Variants in SFMBT1 observed in about 807,000 individuals in gnomAD.
SFMBT1 encodes the protein Scm like with four mbt domains 1.
Under a neutral mutation model 108.7 loss-of-function variants are expected in SFMBT1, and 32 were observed. That is an observed-to-expected ratio of 0.29 (90% CI 0.22 to 0.40). SFMBT1 has a LOEUF of 0.40. Ranked by LOEUF, SFMBT1 falls within the 10% of genes least tolerant of loss-of-function variation. SFMBT1 has a pLI of 1.00. For synonymous variants in SFMBT1, 348 were observed against 369.5 expected, an observed-to-expected ratio of 0.94 and a Z score of 0.67; for missense variants, 816 against 1,059.6, an observed-to-expected ratio of 0.77 and a Z score of 3.19.
chr3:52,955,833 C>T (rs973200766), intron 2 of SFMBT1, among the ~76,000 whole-genome samples: 2 of 152,160 alleles, frequency 1.3e-5, no homozygotes, highest in Non-Finnish European at 2.9e-5. Flanking sequence ...AAATGAGGCA[C>T]TCCTCCCTAA....
intron 1 of SFMBT1, among the ~76,000 whole-genome samples, chr3:53,008,045 ATCC>A (rs1698806196): frequency 6.8e-6 from 1 of 147,442 alleles, no homozygotes; most frequent in Non-Finnish European, 1.5e-5. Flanking sequence ...TCTGAACTGA[ATCC>A]TTTTGCTTGC....
At chr3:53,003,934 C>T (rs1196553002) in intron 1 of SFMBT1, among the ~76,000 whole-genome samples, 2 of 149,706 alleles carry the variant, frequency 1.3e-5, no homozygotes, top group Non-Finnish European at 3.0e-5. Flanking sequence ...AGATCATCAC[C>T]ATTAGCTAGA....
intron 5 of SFMBT1, among the ~76,000 whole-genome samples, chr3:52,933,564 C>T (rs1055810582): frequency 6.6e-6 from 1 of 152,130 alleles, no homozygotes; most frequent in Non-Finnish European, 1.5e-5. Context: ...AGCTAAAAGT[C>T]AGCATGGCAG....
rs1292513956 is a variant in SFMBT1 at position 52,907,321 on chromosome 3, G to A, written c.2086-7C>T. 1 of 1,607,402 alleles carries A rather than the reference G, an allele frequency of 6.2e-7. No homozygotes were observed. The highest frequency in any genetic ancestry group is 1.3e-5 in the African/African-American group (1 of 74,670). On this transcript the variant is annotated splice_polypyrimidine_tract_variant and splice_region_variant and intron_variant, in intron 18 of 20. Transcript: ENST00000394752. ...CATCTTCACCCCCACTTCCCTGCAG[G>A]AAAAGGAGAGAAGTCTCATTGAAAT...
Position 52,907,535 on chromosome 3 carries a change from G to A in SFMBT1, c.2085+20C>T. The stretch of plus-strand genomic sequence containing the variant: ...GTCACTTGGCTTCAAGACATTACAG[G>A]CACATCACAGATCTCATACCTGGGG... On this transcript the variant is annotated intron_variant, in intron 18 of 20. Transcript: ENST00000394752. 1 of 1,605,418 alleles carries A rather than the reference G, an allele frequency of 6.2e-7. No homozygotes were observed. The highest frequency in any genetic ancestry group is 8.5e-7 in the Non-Finnish European group (1 of 1,176,528).
At chr3:53,044,261 T>C (rs1700142165) in intron 1 of SFMBT1, among the ~76,000 whole-genome samples, 1 of 152,172 alleles carries the variant, frequency 6.6e-6, no homozygotes, top group Admixed American at 6.5e-5. Flanking sequence ...AATCTTTCAG[T>C]TAAGAAAGCC....
rs1702059801 is a variant in SFMBT1 at position 52,906,163 on chromosome 3, A to G, written c.2410T>C (p.Phe804Leu). 13 of 1,614,042 alleles carry G rather than the reference A, an allele frequency of 8.1e-6. No homozygotes were observed. The highest frequency in any genetic ancestry group is 1.1e-5 in the Non-Finnish European group (13 of 1,179,946). Residue 804 changes from phenylalanine to leucine, a missense_variant, in exon 20 of 21, where the codon TTC (phenylalanine) becomes CTC (leucine). This residue lies in a region of SFMBT1 where 49 missense variants were observed against 91.8 expected (regional missense o/e 0.53). Coordinates refer to ENST00000394752, the MANE Select transcript of SFMBT1 (RefSeq NM_016329.4). ...LKWSVADVVR[F>L]IRSTDCAPLA... Reference sequence around the variant, plus strand: ...GGAGCACAGTCAGTGGATCTGATGAACCGCACAACGTCTGCCACACTCCAC... The same window carrying G: ...GGAGCACAGTCAGTGGATCTGATGAGCCGCACAACGTCTGCCACACTCCAC...
intron 8 of SFMBT1, among the ~76,000 whole-genome samples, chr3:52,929,579 C>T (rs1253723068): frequency 6.6e-6 from 1 of 152,194 alleles, no homozygotes; most frequent in Non-Finnish European, 1.5e-5. Context: ...TTCCCACTAG[C>T]CCTCCCTTCA....
In SFMBT1 at chr3:52,987,421, C is replaced by T. The variant is rs77055204; in HGVS notation, c.-130-18163G>A. The stretch of plus-strand genomic sequence containing the variant: ...TCTCACTATGACTTTAGGATGGCTA[C>T]TACATCATCATTAGGCCATAGGAAT... On this transcript the variant is annotated intron_variant, in intron 1 of 20. Transcript: ENST00000394752. Among the ~76,000 whole-genome samples, 825 of 152,262 alleles carry T rather than the reference C, an allele frequency of 5.4e-3. 10 individuals carry two copies. The highest frequency in any genetic ancestry group is 0.019 in the African/African-American group (787 of 41,540).
At chr3:53,015,848 T>A (rs182934702) in intron 1 of SFMBT1, among the ~76,000 whole-genome samples, 9 of 152,280 alleles carry the variant, frequency 5.9e-5, no homozygotes, top group Non-Finnish European at 1.5e-5. Context: ...GTTCTAAAAT[T>A]AGATTATCAT....
At chr3:52,950,432 A>G (rs1703534494) in intron 3 of SFMBT1, among the ~76,000 whole-genome samples, 2 of 152,212 alleles carry the variant, frequency 1.3e-5, no homozygotes, top group East Asian at 3.9e-4. Context: ...GCATATATTT[A>G]TACATAAGCA....
At chr3:52,983,666 G>A (rs997327567) in intron 1 of SFMBT1, among the ~76,000 whole-genome samples, 23 of 152,142 alleles carry the variant, frequency 1.5e-4, no homozygotes, top group African/African-American at 4.8e-4. Context: ...GGGTACGTGC[G>A]GAAGAATATT....
intron 1 of SFMBT1, among the ~76,000 whole-genome samples, chr3:53,031,238 G>A (rs569789065): frequency 4.6e-5 from 7 of 152,300 alleles, no homozygotes; most frequent in African/African-American, 1.4e-4. Context: ...ATGCACCTGC[G>A]AATAACAACA....
Position 52,991,748 on chromosome 3 carries a change from C to T in SFMBT1, c.-130-22490G>A, listed in dbSNP as rs55885034. On this transcript the variant is annotated intron_variant, in intron 1 of 20. Coordinates refer to ENST00000394752, the MANE Select transcript of SFMBT1 (RefSeq NM_016329.4). Reference sequence around the variant, plus strand: ...TAAGAAGCTTCTGAGAGCTGCCTGCCCCTTCTTGCTTTCACATTCCCTTCC... The same window carrying T: ...TAAGAAGCTTCTGAGAGCTGCCTGCTCCTTCTTGCTTTCACATTCCCTTCC... 7.2e-5 allele frequency among the ~76,000 whole-genome samples: 11 copies of T among 152,126 alleles called. No homozygotes were observed. The South Asian group carries it at 2.3e-3, about 32-fold the overall frequency.
At chr3:52,971,869 C>G (rs578009995) in intron 1 of SFMBT1, among the ~76,000 whole-genome samples, 1 of 152,264 alleles carries the variant, frequency 6.6e-6, no homozygotes, top group African/African-American at 2.4e-5. Flanking sequence ...TGGGAAGGAC[C>G]TGAAGGCTGC....
chr3:52,919,522 A>C (rs1320869415), intron 12 of SFMBT1, among the ~76,000 whole-genome samples: 1 of 152,184 alleles, frequency 6.6e-6, no homozygotes, highest in African/African-American at 2.4e-5. Context: ...GTTGATTGCT[A>C]ATGAGTATAG....
Position 52,953,274 on chromosome 3 carries a change from G to A in SFMBT1, c.123+1043C>T, listed in dbSNP as rs527866577. Among the ~76,000 whole-genome samples the A allele has an allele frequency of 4.6e-5, 7 of 152,200 alleles. No individual in the cohort carries two copies. In the East Asian group the frequency reaches 5.8e-4, roughly 13 times the overall value. The stretch of plus-strand genomic sequence containing the variant: ...TAAGCCCAGGAGTTTAAGACTGGCC[G>A]ACATGGTGAAACACCATCTCTACTA... On this transcript the variant is annotated intron_variant, in intron 3 of 20. Coordinates refer to ENST00000394752, the MANE Select transcript of SFMBT1 (RefSeq NM_016329.4).
intron 2 of SFMBT1, among the ~76,000 whole-genome samples, chr3:52,964,651 G>GA (rs540509239): frequency 1.9e-4 from 29 of 151,110 alleles, no homozygotes; most frequent in South Asian, 8.4e-4. Flanking sequence ...CTACTTTAAA[G>GA]AAAAAAAAAG....
chr3:52,923,592 G>A (rs894667434), intron 10 of SFMBT1, among the ~76,000 whole-genome samples: 3 of 150,652 alleles, frequency 2.0e-5, no homozygotes, highest in Admixed American at 6.6e-5. Flanking sequence ...ACAAACGAAC[G>A]AACTATTCAG....
Sources: gnomAD v4.1 joint callset for allele counts (sites outside exome capture counted in the v4.1 genomes callset) on GRCh38, gnomAD v4.1.1 for gene constraint, gnomAD v4.1.1 regional missense constraint, MANE v1.5 for transcripts, NCBI Gene and HGNC (gene_info 2026-07-23, HGNC 2026-07-21) for gene names.